CUL1: variants seen among roughly 807,000 people sequenced by gnomAD.
CUL1 encodes the protein cullin 1.
In CUL1, 24 loss-of-function variants were observed where a neutral mutation model predicts 118.0. The ratio of observed to expected loss-of-function variants is 0.20; its 90% CI spans 0.15 to 0.29. CUL1 has a LOEUF of 0.29. CUL1 is among the 10% of genes least tolerant of loss of function. The probability of loss-of-function intolerance (pLI) is 1.00; values close to 1 mark genes in which losing one functional copy is unlikely to be tolerated. For synonymous variants in CUL1, 332 were observed against 340.4 expected, an observed-to-expected ratio of 0.98 and a Z score of 0.27; for missense variants, 361 against 933.8, an observed-to-expected ratio of 0.39 and a Z score of 7.99.
At chr7:148,773,565 C>T (rs1321772174) in intron 9 of CUL1, among the ~76,000 whole-genome samples, 3 of 152,176 alleles carry the variant, frequency 2.0e-5, no homozygotes, top group Non-Finnish European at 4.4e-5. Context: ...TCGGGCCTAG[C>T]CTCTTACCCA....
At chr7:148,703,455 A>G (rs1368187412) in intron 1 of CUL1, among the ~76,000 whole-genome samples, 1 of 152,212 alleles carries the variant, frequency 6.6e-6, no homozygotes, top group East Asian at 1.9e-4. Context: ...TACTTCGGAA[A>G]ATAGATTGTA....
chr7:148,766,686 A>G lies in CUL1; in HGVS notation c.915A>G (p.Thr305=), dbSNP rs767508612. ...LIEKHLEIFH[T]EFQNLLDADK... is the part of the protein sequence containing the mutation. ...AAAAACACTTGGAAATTTTCCACAC[A>G]GAATTTCAGAATTTATTGGATGCTG... The change falls in exon 8 of 22, where the codon ACA becomes ACG. Residue 305 remains threonine, a synonymous_variant. Transcript: ENST00000325222. The G allele has an allele frequency of 1.2e-6, 2 of 1,613,022 alleles. No homozygotes were observed. The highest frequency in any genetic ancestry group is 2.2e-5 in the South Asian group (2 of 90,576).
At chr7:148,741,796 G>A (rs1392996946) in intron 2 of CUL1, among the ~76,000 whole-genome samples, 1 of 151,990 alleles carries the variant, frequency 6.6e-6, no homozygotes, top group Non-Finnish European at 1.5e-5. Context: ...CTGGTCTCGA[G>A]CTCCTGGCCT....
intron 9 of CUL1, among the ~76,000 whole-genome samples, chr7:148,767,988 A>G (rs999187211): frequency 3.3e-5 from 5 of 150,226 alleles, no homozygotes; most frequent in African/African-American, 1.2e-4. Context: ...TTTTCCTTTT[A>G]TGCCTTCTCA....
chr7:148,766,906 G>C (rs1800024521), intron 8 of CUL1, among the ~76,000 whole-genome samples, 183 bp downstream of exon 8: 1 of 152,166 alleles, frequency 6.6e-6, no homozygotes, highest in African/African-American at 2.4e-5. Context: ...GTTTGACTTA[G>C]GGGGAAGAGT....
intron 2 of CUL1, among the ~76,000 whole-genome samples, chr7:148,736,607 C>G (rs1373435492): frequency 6.6e-6 from 1 of 152,178 alleles, no homozygotes; most frequent in East Asian, 1.9e-4. Context: ...CCTGGCCTTT[C>G]TAGAGACATA....
At chr7:148,741,918 G>A (rs1799154204) in intron 2 of CUL1, among the ~76,000 whole-genome samples, 1 of 152,196 alleles carries the variant, frequency 6.6e-6, no homozygotes, top group Admixed American at 6.5e-5. Context: ...CCATCCTAGT[G>A]GGAATGAAGT....
intron 2 of CUL1, 45 bp downstream of exon 2, chr7:148,730,307 A>G: frequency 6.4e-7 from 1 of 1,550,640 alleles, no homozygotes; most frequent in Non-Finnish European, 8.7e-7. Context: ...AGTTTTGATT[A>G]TTTACTAGTA....
At chr7:148,727,670 A>G (rs980999563) in intron 1 of CUL1, among the ~76,000 whole-genome samples, 1 of 152,118 alleles carries the variant, frequency 6.6e-6, no homozygotes, top group African/African-American at 2.4e-5. Context: ...TATGACTGGA[A>G]GGCAACTTGA....
At chr7:148,722,616 T>C in intron 1 of CUL1, among the ~76,000 whole-genome samples, 1 of 152,234 alleles carries the variant, frequency 6.6e-6, no homozygotes, top group Non-Finnish European at 1.5e-5. Context: ...GCCATTTCTA[T>C]CCCTACAGTG....
intron 1 of CUL1, among the ~76,000 whole-genome samples, chr7:148,699,775 C>T (rs367903253): frequency 2.0e-5 from 3 of 152,040 alleles, no homozygotes; most frequent in South Asian, 4.1e-4. Context: ...GCCTATCGCT[C>T]GCTAGTCGGG....
chr7:148,792,891 TAAGG>T, intron 17 of CUL1, 73 bp downstream of exon 17: 1 of 1,094,934 alleles, frequency 9.1e-7, no homozygotes, highest in Non-Finnish European at 1.4e-6. Context: ...TTAGGAAAGA[TAAGG>T]AAGAGGATAT....
At chr7:148,798,758 C>T (rs887613487) in intron 20 of CUL1, 81 bp downstream of exon 20, 50 of 1,152,914 alleles carry the variant, frequency 4.3e-5, no homozygotes, top group African/African-American at 7.6e-5. Context: ...GGGGGGTAGG[C>T]GGGGGTGACA....
rs55858322 is a variant in CUL1, at chr7:148,769,397, T to TCACACACACACA, written c.1083+1689_1083+1700dup. On this transcript the variant is annotated intron_variant, in intron 9 of 21. Coordinates refer to ENST00000325222, the MANE Select transcript of CUL1 (RefSeq NM_003592.3). ...TAAATGTTCCTTTAAAGGGCCTGAT[T>TCACACACACACA]CACACACACACACACACACACACAC... is the stretch of plus-strand genomic sequence containing the variant. 8.3e-3 allele frequency among the ~76,000 whole-genome samples: 1,069 copies of TCACACACACACA among 129,068 alleles called. 10 individuals carry two copies. Among genetic ancestry groups the TCACACACACACA allele is most frequent in the African/African-American group, 0.012 (390 of 33,856 alleles). The allele number at this position is 129,068 out of a possible 152,430, so 84.7% of individuals were successfully genotyped here.
intron 8 of CUL1, 30 bp from the exon 9 acceptor site, chr7:148,767,589 G>A (rs775097609): frequency 1.2e-6 from 2 of 1,608,352 alleles, no homozygotes; most frequent in South Asian, 1.1e-5. Context: ...ATTTTTTTCA[G>A]TGCATAAAAG....
intron 16 of CUL1, among the ~76,000 whole-genome samples, chr7:148,792,441 C>T (rs955104064): frequency 2.6e-5 from 4 of 151,976 alleles, no homozygotes; most frequent in African/African-American, 4.8e-5. Context: ...TGCGTGGGGA[C>T]GTATCTATAG....
intron 4 of CUL1, among the ~76,000 whole-genome samples, chr7:148,759,004 A>G (rs1028694427): frequency 5.9e-5 from 9 of 152,252 alleles, no homozygotes; most frequent in Admixed American, 1.3e-4. Flanking sequence ...TGTACCTTAC[A>G]GTAACATCAC....
chr7:148,729,156 A>G (rs1448583659), intron 1 of CUL1, among the ~76,000 whole-genome samples: 1 of 152,244 alleles, frequency 6.6e-6, no homozygotes, highest in Non-Finnish European at 1.5e-5. Context: ...ATGCTGAAGC[A>G]TTATATATTG....
At chr7:148,742,460 T>G (rs1799175434) in intron 2 of CUL1, among the ~76,000 whole-genome samples, 1 of 152,210 alleles carries the variant, frequency 6.6e-6, no homozygotes, top group African/African-American at 2.4e-5. Flanking sequence ...CATGGTTTGG[T>G]TATCTCCACC....
Sources: allele counts gnomAD v4.1 joint callset (sites outside exome capture counted in the v4.1 genomes callset), GRCh38; gene constraint gnomAD v4.1.1; transcripts MANE v1.5; gene names NCBI Gene and HGNC (gene_info 2026-07-23, HGNC 2026-07-21).